The following PTH2R variants were observed in gnomAD, a reference collection of about 807,000 sequenced individuals.
PTH2R encodes parathyroid hormone 2 receptor, also known as PTH2 receptor.
Under a neutral mutation model 60.3 loss-of-function variants are expected in PTH2R, and 59 were observed. The observed-to-expected ratio is 0.98, with a 90% confidence interval of 0.79 to 1.22. The LOEUF (loss-of-function observed/expected upper bound fraction) is 1.22. Ranked by LOEUF, PTH2R falls within the 50% of genes most tolerant of loss-of-function variation. The probability of loss-of-function intolerance (pLI) is 0.00; values close to 1 mark genes in which losing one functional copy is unlikely to be tolerated. For synonymous variants in PTH2R, 256 were observed against 243.8 expected (o/e 1.05, Z -0.47); for missense variants, 749 against 682.6 (o/e 1.10, Z -1.08).
chr2:208,446,486 G>A (rs552171266), intron 7 of PTH2R, among the ~76,000 whole-genome samples: 3 of 152,114 alleles, frequency 2.0e-5, no homozygotes, highest in Non-Finnish European at 2.9e-5. Context: ...CATGAAAACC[G>A]GTTGACTTTT....
intron 8 of PTH2R, among the ~76,000 whole-genome samples, chr2:208,456,900 A>G (rs572540972): frequency 6.6e-6 from 1 of 152,360 alleles, no homozygotes; most frequent in African/African-American, 2.4e-5. Context: ...TCACAGGGGA[A>G]ATTTGAAACT....
intron 10 of PTH2R, among the ~76,000 whole-genome samples, chr2:208,486,070 G>T (rs1192017295): frequency 6.6e-6 from 1 of 152,184 alleles, no homozygotes; most frequent in East Asian, 1.9e-4. Flanking sequence ...GAACTTAGAA[G>T]TGAACCCTGA....
intron 1 of PTH2R, among the ~76,000 whole-genome samples, chr2:208,363,387 G>A (rs1047244415): frequency 2.0e-5 from 3 of 152,140 alleles, no homozygotes; most frequent in Non-Finnish European, 4.4e-5. Flanking sequence ...TGGTGTATAT[G>A]TACCACATTT....
At chr2:208,389,227 TAC>T (rs71041306) in intron 1 of PTH2R, among the ~76,000 whole-genome samples, 61,743 of 142,276 alleles carry the variant, frequency 0.43, 13,606 homozygotes, top group Admixed American at 0.52. Context: ...AGGAAATGCA[TAC>T]ACACACACAC....
At chr2:208,365,117 G>T (rs1205919176) in intron 1 of PTH2R, among the ~76,000 whole-genome samples, 1 of 151,256 alleles carries the variant, frequency 6.6e-6, no homozygotes, top group Non-Finnish European at 1.5e-5. Flanking sequence ...TCTACAAACA[G>T]AAATTTTTAC....
intron 1 of PTH2R, among the ~76,000 whole-genome samples, chr2:208,373,485 T>G (rs1024756141): frequency 1.3e-5 from 2 of 152,054 alleles, no homozygotes; most frequent in African/African-American, 4.8e-5. Flanking sequence ...TGTGCCAGGG[T>G]GGAGGAAATT....
intron 1 of PTH2R, among the ~76,000 whole-genome samples, chr2:208,426,243 T>G (rs1205110095): frequency 6.6e-6 from 1 of 152,236 alleles, no homozygotes; most frequent in Non-Finnish European, 1.5e-5. Context: ...AGATTGGAAT[T>G]TAACATTTTA....
intron 2 of PTH2R, among the ~76,000 whole-genome samples, chr2:208,436,475 G>A (rs1474417736): frequency 1.3e-5 from 2 of 152,162 alleles, no homozygotes; most frequent in Non-Finnish European, 2.9e-5. Context: ...GTCCAGTGAG[G>A]CAGAATACCC....
At chr2:208,390,429 C>T (rs541272751) in intron 1 of PTH2R, among the ~76,000 whole-genome samples, 74 of 152,274 alleles carry the variant, frequency 4.9e-4, no homozygotes, top group African/African-American at 1.7e-3. Flanking sequence ...CGATGAGTTC[C>T]GGGTCACTGT....
chr2:208,374,093 G>C (rs1292501140), intron 1 of PTH2R, among the ~76,000 whole-genome samples: 1 of 151,074 alleles, frequency 6.6e-6, no homozygotes, highest in Non-Finnish European at 1.5e-5. Context: ...TAAGTGGGAG[G>C]GTCTTTTTTG....
rs556412837 is a variant in PTH2R at position 208,407,123 on chromosome 2, G to A, written c.75+5G>A. The stretch of plus-strand genomic sequence containing the variant: ...TGCCTCCTGGCCAGAGCCCAGGTAA[G>A]AGCCAGTGCTCCGCGACACCTGTTT... On this transcript the variant is annotated splice_donor_5th_base_variant and intron_variant, in intron 1 of 12. Coordinates refer to ENST00000272847, the MANE Select transcript of PTH2R (RefSeq NM_005048.4). The A allele has an allele frequency of 1.7e-4, 242 of 1,402,388 alleles. 1 individual carries two copies. The South Asian group carries it at 4.1e-3, about 24-fold the overall frequency. The allele number at this position is 1,402,388 out of a possible 1,614,324, so 86.9% of individuals were successfully genotyped here. A position where few individuals can be genotyped will look rare whatever the true frequency, so the allele number is the denominator to read the frequency against.
At chr2:208,407,638 G>T (rs970160006) in intron 1 of PTH2R, among the ~76,000 whole-genome samples, 4 of 152,206 alleles carry the variant, frequency 2.6e-5, no homozygotes, top group Admixed American at 6.5e-5. Context: ...CAGCTCATTT[G>T]TTAATGTTAA....
At chr2:208,367,700 C>T (rs1227007509) in intron 1 of PTH2R, among the ~76,000 whole-genome samples, 1 of 152,148 alleles carries the variant, frequency 6.6e-6, no homozygotes, top group Non-Finnish European at 1.5e-5. Flanking sequence ...TTAACATGGA[C>T]TTGCATACCT....
chr2:208,436,480 A>G (rs114450474), intron 2 of PTH2R, among the ~76,000 whole-genome samples: 7,018 of 152,294 alleles, frequency 0.046, 326 homozygotes, highest in African/African-American at 0.11. Context: ...GTGAGGCAGA[A>G]TACCCAGCAC....
chr2:208,422,686 G>T (rs772339680), intron 1 of PTH2R, among the ~76,000 whole-genome samples: 2 of 151,990 alleles, frequency 1.3e-5, no homozygotes, highest in East Asian at 3.9e-4. Flanking sequence ...TTTTTTTGGT[G>T]ATAATTGTAA....
intron 1 of PTH2R, among the ~76,000 whole-genome samples, chr2:208,421,508 A>G (rs12617462): frequency 0.091 from 13,858 of 152,118 alleles, 1,115 homozygotes; most frequent in East Asian, 0.47. Context: ...AAATAGTTTC[A>G]TGGTTCATAA....
At chr2:208,396,319 A>G (rs553783152) in intron 1 of PTH2R, among the ~76,000 whole-genome samples, 9 of 152,356 alleles carry the variant, frequency 5.9e-5, no homozygotes, top group African/African-American at 2.2e-4. Context: ...ATGGGATCTA[A>G]TTAAACTAAA....
intron 2 of PTH2R, among the ~76,000 whole-genome samples, chr2:208,437,288 T>G (rs1386789109): frequency 6.6e-6 from 1 of 152,220 alleles, no homozygotes; most frequent in African/African-American, 2.4e-5. Flanking sequence ...ATAACTAGTA[T>G]GCTGGAATAA....
chr2:208,430,376 A>G (rs1701944203), intron 2 of PTH2R, among the ~76,000 whole-genome samples: 1 of 151,752 alleles, frequency 6.6e-6, no homozygotes, highest in Admixed American at 6.6e-5. Flanking sequence ...AAATGTCTTT[A>G]TTTTGGTGTC....
Sources: allele counts gnomAD v4.1 joint callset (sites outside exome capture counted in the v4.1 genomes callset), GRCh38; gene constraint gnomAD v4.1.1; transcripts MANE v1.5; gene names NCBI Gene and HGNC (gene_info 2026-07-23, HGNC 2026-07-21).